Variants in RALGAPA1 observed in about 807,000 individuals in gnomAD.
RALGAPA1 encodes ral GTPase-activating protein subunit alpha-1.
A neutral mutation model predicts 269.6 loss-of-function variants in RALGAPA1; 52 were observed. The ratio of observed to expected loss-of-function variants is 0.19; its 90% CI spans 0.15 to 0.24. The LOEUF is 0.24. RALGAPA1 is among the 10% of genes least tolerant of loss of function. The probability of loss-of-function intolerance (pLI) is 1.00; values close to 1 mark genes in which losing one functional copy is unlikely to be tolerated. For missense variants in RALGAPA1, 1,917 were observed against 3,013.9 expected (o/e 0.64, Z 8.52); for synonymous variants, 817 against 1,008.3 (o/e 0.81, Z 3.60).
chr14:35,702,650 T>C (rs940063050), intron 16 of RALGAPA1, among the ~76,000 whole-genome samples: 4 of 151,384 alleles, frequency 2.6e-5, no homozygotes, highest in African/African-American at 9.7e-5. Flanking sequence ...CAAATACATA[T>C]GCAAATCTTA....
intron 17 of RALGAPA1, among the ~76,000 whole-genome samples, chr14:35,698,864 A>G (rs1486563329): frequency 1.3e-5 from 2 of 152,202 alleles, no homozygotes; most frequent in African/African-American, 4.8e-5. Context: ...TGGTGCACTA[A>G]AGAGACAAAA....
chr14:35,789,464 C>T (rs576679793), intron 1 of RALGAPA1, among the ~76,000 whole-genome samples: 18 of 151,952 alleles, frequency 1.2e-4, no homozygotes, highest in Non-Finnish European at 2.1e-4. Flanking sequence ...TGGTGGCACA[C>T]GCCTGTTGCC....
At chr14:35,808,609 A>T (rs970391825) in intron 1 of RALGAPA1, 121 bp downstream of exon 1, 1 of 1,034,860 alleles carries the variant, frequency 9.7e-7, no homozygotes, top group Non-Finnish European at 1.4e-6. Context: ...GCGTCTCCGC[A>T]GAGGCTACGA....
At chr14:35,598,384 T>C (rs1234267086) in intron 36 of RALGAPA1, among the ~76,000 whole-genome samples, 1 of 150,524 alleles carries the variant, frequency 6.6e-6, no homozygotes, top group African/African-American at 2.5e-5. Context: ...TTTTACTTTC[T>C]GCCAGTCTAT....
intron 8 of RALGAPA1, among the ~76,000 whole-genome samples, chr14:35,751,412 T>C (rs1413722057): frequency 3.3e-5 from 5 of 152,312 alleles, no homozygotes; most frequent in African/African-American, 4.8e-5. Context: ...GAATTCAGTT[T>C]AATTTACAAT....
intron 39 of RALGAPA1, chr14:35,564,397 A>C (rs1182770710): frequency 6.6e-6 from 1 of 152,234 alleles, no homozygotes; most frequent in Admixed American, 6.5e-5. Context: ...TTTTATTATA[A>C]CGAAAGGCAA....
chr14:35,731,636 T>C (rs573925907), intron 12 of RALGAPA1, among the ~76,000 whole-genome samples: 1 of 152,128 alleles, frequency 6.6e-6, no homozygotes, highest in Non-Finnish European at 1.5e-5. Flanking sequence ...AAGAAAGAAA[T>C]TCAGAGCTGG....
chr14:35,691,249 A>G (rs1270573303), intron 17 of RALGAPA1, among the ~76,000 whole-genome samples: 1 of 152,084 alleles, frequency 6.6e-6, no homozygotes, highest in East Asian at 1.9e-4. Context: ...CATTATTTTC[A>G]CTGCCTTCAG....
At chr14:35,593,818 C>A (rs773113851) in intron 37 of RALGAPA1, among the ~76,000 whole-genome samples, 2 of 152,022 alleles carry the variant, frequency 1.3e-5, no homozygotes, top group Non-Finnish European at 2.9e-5. Context: ...TGCACCACTG[C>A]ATTCCAGCCT....
intron 1 of RALGAPA1, among the ~76,000 whole-genome samples, chr14:35,797,228 C>T (rs2076630419): frequency 6.6e-6 from 1 of 151,736 alleles, no homozygotes; most frequent in Non-Finnish European, 1.5e-5. Context: ...GTGGTGCGTG[C>T]CTGTAGTCCC....
At chr14:35,652,793 C>T (rs2140022855) in intron 30 of RALGAPA1, among the ~76,000 whole-genome samples, 1 of 151,900 alleles carries the variant, frequency 6.6e-6, no homozygotes, top group South Asian at 2.1e-4. Flanking sequence ...ATGAAAAAGA[C>T]ATTATTTAAA....
intron 16 of RALGAPA1, among the ~76,000 whole-genome samples, chr14:35,706,154 T>C (rs376846553): frequency 1.3e-5 from 2 of 152,210 alleles, no homozygotes; most frequent in East Asian, 3.8e-4. Context: ...AAGTCCAACT[T>C]AGCAATTTTT....
intron 39 of RALGAPA1, among the ~76,000 whole-genome samples, chr14:35,561,159 G>A (rs908939761): frequency 6.8e-6 from 1 of 147,248 alleles, no homozygotes; most frequent in African/African-American, 2.5e-5. Context: ...ACTGGAAAGT[G>A]GAGGTTGCAG....
intron 1 of RALGAPA1, among the ~76,000 whole-genome samples, chr14:35,798,154 C>T (rs1172730068): frequency 2.0e-5 from 3 of 148,502 alleles, no homozygotes; most frequent in African/African-American, 7.5e-5. Flanking sequence ...ATTACAGGTG[C>T]GAGCTAACAC....
chr14:35,541,960 G>C (rs751528363), intron 41 of RALGAPA1: 3 of 1,021,888 alleles, frequency 2.9e-6, no homozygotes, highest in Non-Finnish European at 4.0e-6. Context: ...AATATAATTG[G>C]GCATGCAATG....
intron 1 of RALGAPA1, among the ~76,000 whole-genome samples, chr14:35,804,646 T>C (rs1485561038): frequency 6.6e-6 from 1 of 151,316 alleles, no homozygotes; most frequent in Admixed American, 6.6e-5. Context: ...AAAAAGAGAT[T>C]AACAGTTAGG....
intron 35 of RALGAPA1, among the ~76,000 whole-genome samples, chr14:35,622,279 C>T (rs1430619691): frequency 6.6e-6 from 1 of 152,144 alleles, no homozygotes; most frequent in African/African-American, 2.4e-5. Context: ...AAACCAAACA[C>T]CACATGTGCT....
chr14:35,700,359 A>G, intron 16 of RALGAPA1, 57 bp from the exon 17 acceptor site: 1 of 1,378,022 alleles, frequency 7.3e-7, no homozygotes, highest in Non-Finnish European at 9.5e-7. Flanking sequence ...GACTATAATG[A>G]AAGGCTCGTG....
chr14:35,735,644 T>C (rs1227297766), intron 12 of RALGAPA1, among the ~76,000 whole-genome samples: 2 of 151,768 alleles, frequency 1.3e-5, no homozygotes, highest in African/African-American at 4.8e-5. Flanking sequence ...CAAAATCTCA[T>C]ATCACCACTA....
Sources: gnomAD v4.1 joint callset for allele counts (sites outside exome capture counted in the v4.1 genomes callset) on GRCh38, gnomAD v4.1.1 for gene constraint, MANE v1.5 for transcripts, NCBI Gene and HGNC (gene_info 2026-07-23, HGNC 2026-07-21) for gene names.